The following ESPN variants were observed in gnomAD, a reference collection of about 807,000 sequenced individuals.
ESPN encodes autosomal recessive deafness type 36 protein.
In ESPN, 68 loss-of-function variants were observed where a neutral mutation model predicts 77.7. The ratio of observed to expected loss-of-function variants is 0.87; its 90% CI spans 0.72 to 1.07. The LOEUF (loss-of-function observed/expected upper bound fraction) is 1.07. ESPN is among the 50% of genes least tolerant of loss of function. The pLI is 0.00. For synonymous variants in ESPN, 449 were observed against 567.1 expected, an observed-to-expected ratio of 0.79 and a Z score of 2.96; for missense variants, 1,060 against 1,239.0, an observed-to-expected ratio of 0.86 and a Z score of 2.17.
intron 5 of ESPN, among the ~76,000 whole-genome samples, chr1:6,443,774 C>T (rs1643729698): frequency 6.6e-6 from 1 of 152,230 alleles, no homozygotes; most frequent in Non-Finnish European, 1.5e-5. Context: ...AGGGAGGGGG[C>T]ATGGGGCAAG....
chr1:6,448,984 C>CGCCGCCCCT lies in ESPN; in HGVS notation c.1813_1821dup (p.Pro605_Pro607dup), dbSNP rs1643900397. 3 of 1,440,266 alleles carry CGCCGCCCCT rather than the reference C, an allele frequency of 2.1e-6. No individual in the cohort carries two copies. The highest frequency in any genetic ancestry group is 1.5e-5 in the African/African-American group (1 of 67,074). The allele number at this position is 1,440,266 out of a possible 1,614,324, so 89.2% of individuals were successfully genotyped here. ...CTGCCACCGCCGCCCCCACCGCCGC[C>CGCCGCCCCT]GCCGCCCCTGCCGGAGGCCGCGAGT... On this transcript the variant is annotated inframe_insertion, in exon 8 of 13. Coordinates refer to ENST00000645284, the MANE Select transcript of ESPN (RefSeq NM_031475.3).
intron 2 of ESPN, among the ~76,000 whole-genome samples, chr1:6,431,904 C>T (rs184519590): frequency 6.6e-4 from 100 of 152,324 alleles, no homozygotes; most frequent in African/African-American, 2.2e-3. Context: ...ACAAGCTTCC[C>T]TGCCTCGTGG....
Position 6,448,976 on chromosome 1 carries a change from A to ACCGCCG in ESPN, c.1809_1814dup (p.Pro604_Pro605dup). The ACCGCCG allele has an allele frequency of 1.4e-6, 2 of 1,419,466 alleles. No individual in the cohort carries two copies. Among genetic ancestry groups the ACCGCCG allele is most frequent in the Non-Finnish European group, 1.8e-6 (2 of 1,090,022 alleles). The allele number at this position is 1,419,466 out of a possible 1,614,324, so 87.9% of individuals were successfully genotyped here. On this transcript the variant is annotated inframe_insertion, in exon 8 of 13. Coordinates refer to ENST00000645284, the MANE Select transcript of ESPN (RefSeq NM_031475.3). ...CCAGGGAGCTGCCACCGCCGCCCCC[A>ACCGCCG]CCGCCGCCGCCGCCCCTGCCGGAGG...
Position 6,460,891 on chromosome 1 carries a change from T to C in ESPN, c.*745T>C. On this transcript the variant is annotated 3_prime_UTR_variant, in exon 13 of 13. Coordinates refer to ENST00000645284, the MANE Select transcript of ESPN (RefSeq NM_031475.3). ...TGCTGCACCCCATCCCGACCCTGTC[T>C]CCGCCACCTCGCAGCCCCATTAAAG... The C allele has an allele frequency of 3.0e-6, 1 of 337,876 alleles. No individual in the cohort carries two copies. The highest frequency in any genetic ancestry group is 5.9e-6 in the Non-Finnish European group (1 of 168,518). The allele number at this position is 337,876 out of a possible 1,614,324, so 20.9% of individuals were successfully genotyped here.
intron 5 of ESPN, 46 bp from the exon 6 acceptor site, chr1:6,444,435 A>C (rs1167517698): frequency 1.3e-6 from 2 of 1,599,758 alleles, no homozygotes; most frequent in Non-Finnish European, 1.7e-6. Context: ...AGAGCAACGC[A>C]TCTTGGGGTA....
At chr1:6,430,396 C>T (rs1024150927) in intron 2 of ESPN, among the ~76,000 whole-genome samples, 4 of 152,178 alleles carry the variant, frequency 2.6e-5, no homozygotes, top group African/African-American at 9.7e-5. Flanking sequence ...GGCTGGACAG[C>T]CTCGGGGAAG....
At position 6,428,268 on chromosome 1, in the gene ESPN, C is replaced by G; in HGVS notation, c.337C>G (p.Arg113Gly). ...SGATVLHLAA[R>G]FGHPEVVNWL... ...TGCCACAGTCTTGCATCTGGCTGCC[C>G]GCTTCGGCCACCCCGAGGTGGTGAA... Residue 113 changes from arginine to glycine, a missense_variant, in exon 2 of 13, where the codon CGC (arginine) becomes GGC (glycine). By Grantham distance (125) the Arg-to-Gly change is moderately radical. Around this residue, in one of 3 missense-constraint regions of ESPN, gnomAD observed 556 missense variants for 633.6 expected, o/e 0.88. Coordinates refer to ENST00000645284, the MANE Select transcript of ESPN (RefSeq NM_031475.3). This position sits in a 1 kb window ranked among gnomAD's most constrained non-coding sequence, Gnocchi z 5.4. The G allele has an allele frequency of 6.2e-7, 1 of 1,613,588 alleles. No individual in the cohort carries two copies. The highest frequency in any genetic ancestry group is 1.3e-5 in the African/African-American group (1 of 75,062).
Position 6,425,204 on chromosome 1 carries a change from C to T in ESPN, c.249C>T (p.Leu83=), listed in dbSNP as rs1480328319. The part of the protein sequence containing the change: ...PAHDASATGH[L]ACLQWLLSQG... ...ACGACGCCTCCGCCACCGGCCACCT[C>T]GCCTGCCTGCAGTGGCTGCTGTCGC... The change falls in exon 1 of 13, where the codon CTC becomes CTT. Residue 83 remains leucine, a synonymous_variant. Transcript: ENST00000645284. The T allele has an allele frequency of 1.3e-6, 2 of 1,550,786 alleles. No individual in the cohort carries two copies. The highest frequency in any genetic ancestry group is 1.7e-6 in the Non-Finnish European group (2 of 1,156,102).
chr1:6,451,476 C>A lies in ESPN; in HGVS notation c.1916-127C>A. On this transcript the variant is annotated intron_variant, in intron 8 of 12. Coordinates refer to ENST00000645284, the MANE Select transcript of ESPN (RefSeq NM_031475.3). This position sits in a 1 kb window ranked among gnomAD's most constrained non-coding sequence, Gnocchi z 4.3. ...GCAGGACCTGGGATCTGGAGAGCTGCCCGCTGGCCCGGAGGATGGGCACCC... is the reference window on the plus strand; with the variant it reads ...GCAGGACCTGGGATCTGGAGAGCTGACCGCTGGCCCGGAGGATGGGCACCC... 1 of 1,337,162 alleles carries A rather than the reference C, an allele frequency of 7.5e-7. No homozygotes were observed. The highest frequency in any genetic ancestry group is 1.0e-6 in the Non-Finnish European group (1 of 955,926). The allele number at this position is 1,337,162 out of a possible 1,614,324, so 82.8% of individuals were successfully genotyped here.
At chr1:6,441,101 T>G in intron 5 of ESPN, 36 bp downstream of exon 5, 13 of 1,599,780 alleles carry the variant, frequency 8.1e-6, no homozygotes, top group African/African-American at 1.3e-5. Context: ...GCATTCTTTC[T>G]TCTCGCCCCT....
intron 2 of ESPN, among the ~76,000 whole-genome samples, chr1:6,439,776 G>A (rs1396401124): frequency 3.3e-5 from 5 of 152,182 alleles, no homozygotes; most frequent in African/African-American, 1.2e-4. Flanking sequence ...TTGGGAGGCT[G>A]AGATGGGCGG....
chr1:6,425,962 G>C (rs1488533977), intron 1 of ESPN, among the ~76,000 whole-genome samples: 2 of 152,238 alleles, frequency 1.3e-5, no homozygotes, highest in African/African-American at 4.8e-5. Context: ...TTGTCCTGTC[G>C]GAGGGCCAGC....
In ESPN at chr1:6,460,291, C is replaced by T. The variant is rs1357172239; in HGVS notation, c.*145C>T. The T allele has an allele frequency of 3.8e-6, 4 of 1,047,970 alleles. No individual in the cohort carries two copies. Among genetic ancestry groups the T allele is most frequent in the African/African-American group, 1.6e-5 (1 of 62,226 alleles). 64.9% of individuals were successfully genotyped at this position (1,047,970 alleles called of 1,614,324 possible). A position where few individuals can be genotyped will look rare whatever the true frequency, so the allele number is the denominator to read the frequency against. ...ACCCTCCCTGACCCCCACCCTGGCC[C>T]CCCGTATCCCCAGCCCTTGGCAACA... On this transcript the variant is annotated 3_prime_UTR_variant, in exon 13 of 13. Transcript: ENST00000645284.
rs1235343927 is a variant in ESPN at position 6,447,395 on chromosome 1, C to CG, written c.1465-1244dup. The CG allele has an allele frequency of 6.6e-6, 1 of 152,162 alleles. No individual in the cohort carries two copies. The highest frequency in any genetic ancestry group is 2.4e-5 in the African/African-American group (1 of 41,422). The allele number at this position is 152,162 out of a possible 1,614,324, so 9.4% of individuals were successfully genotyped here. On this transcript the variant is annotated intron_variant, in intron 7 of 12. Coordinates refer to ENST00000645284, the MANE Select transcript of ESPN (RefSeq NM_031475.3). This position sits in a 1 kb window ranked among gnomAD's most constrained non-coding sequence, Gnocchi z 5.2. ...CCGAACCTCCGGGCTGCAGGGGGCG[C>CG]GGAGCGGGCGGGCTGGCCCAGAAAA...
intron 2 of ESPN, among the ~76,000 whole-genome samples, chr1:6,438,839 C>T (rs369258760): frequency 6.6e-6 from 1 of 152,340 alleles, no homozygotes; most frequent in East Asian, 1.9e-4. Context: ...TGGCCGGGTG[C>T]GGTGGCTCAC....
chr1:6,433,027 CAGG>C (rs1389502082), intron 2 of ESPN, among the ~76,000 whole-genome samples: 1 of 152,028 alleles, frequency 6.6e-6, no homozygotes, highest in African/African-American at 2.4e-5. Flanking sequence ...GAGGCTGAGG[CAGG>C]AGAATTGCTG....
At chr1:6,426,492 G>C (rs1336190664) in intron 1 of ESPN, among the ~76,000 whole-genome samples, 7 of 147,030 alleles carry the variant, frequency 4.8e-5, no homozygotes, top group African/African-American at 1.7e-4. Flanking sequence ...AGTGTGGGGG[G>C]GATGACCTGG....
chr1:6,449,190 C>T, intron 8 of ESPN, 99 bp downstream of exon 8: 2 of 1,210,812 alleles, frequency 1.7e-6, no homozygotes, highest in South Asian at 1.9e-5. Flanking sequence ...TGCCCGGGTC[C>T]TTCCTCTTCT....
Position 6,450,071 on chromosome 1 carries a change from C to T in ESPN, c.1915+980C>T, listed in dbSNP as rs1272267513. Among the ~76,000 whole-genome samples the T allele has an allele frequency of 1.3e-5, 2 of 152,208 alleles. No homozygotes were observed. Among genetic ancestry groups the T allele is most frequent in the Non-Finnish European group, 2.9e-5 (2 of 68,032 alleles). On this transcript the variant is annotated intron_variant, in intron 8 of 12. Coordinates refer to ENST00000645284, the MANE Select transcript of ESPN (RefSeq NM_031475.3). The surrounding 1 kb of genome is among the most constrained non-coding windows in gnomAD (Gnocchi z 4.3). ...ACCTCCTTCTTCCCTCCACAGCCTG[C>T]AGCAGGGCTGAAGCTAAGGGCAGAG...
Sources: allele counts gnomAD v4.1 joint callset (sites outside exome capture counted in the v4.1 genomes callset), GRCh38; gene constraint gnomAD v4.1.1; regional missense constraint gnomAD v4.1.1; non-coding constraint Gnocchi (gnomAD v3.1); transcripts MANE v1.5; gene names NCBI Gene and HGNC (gene_info 2026-07-23, HGNC 2026-07-21).